CIB4: variants seen among roughly 807,000 people sequenced by gnomAD.
CIB4 encodes the protein calcium and integrin binding family member 4.
In CIB4, 25 loss-of-function variants were observed where a neutral mutation model predicts 25.8. That is an observed-to-expected ratio of 0.97 (90% CI 0.71 to 1.35). The LOEUF is 1.35. CIB4 is among the 40% of genes most tolerant of loss of function. The pLI, the probability that CIB4 is intolerant of heterozygous loss-of-function variation, is 0.00. For synonymous variants in CIB4, 75 were observed against 81.4 expected (o/e 0.92, Z 0.42); for missense variants, 235 against 228.2 (o/e 1.03, Z -0.19).
chr2:26,618,000 T>G lies in CIB4; in HGVS notation c.186+11410A>C, dbSNP rs1195416066. On this transcript the variant is annotated intron_variant, in intron 3 of 6. Coordinates refer to ENST00000288861, the MANE Select transcript of CIB4 (RefSeq NM_001029881.3). Reference sequence around the variant, plus strand: ...ACTGGCCCTGTTACCAAGTGTAGGTTGCATCCCACCTGTGGGCCTCAGTTT... The same window carrying G: ...ACTGGCCCTGTTACCAAGTGTAGGTGGCATCCCACCTGTGGGCCTCAGTTT... Among the ~76,000 whole-genome samples, 5 of 152,278 alleles carry G rather than the reference T, an allele frequency of 3.3e-5. 1 individual carries two copies. The Middle Eastern group carries it at 0.01, about 311-fold the overall frequency.
At chr2:26,613,633 A>T (rs892078190) in intron 3 of CIB4, among the ~76,000 whole-genome samples, 1 of 152,150 alleles carries the variant, frequency 6.6e-6, no homozygotes, top group Non-Finnish European at 1.5e-5. Flanking sequence ...CATTTTTCAG[A>T]TGGGGAAAGC....
chr2:26,595,888 T>C (rs1306253024), intron 3 of CIB4, among the ~76,000 whole-genome samples: 3 of 141,972 alleles, frequency 2.1e-5, no homozygotes, highest in African/African-American at 5.7e-5. Context: ...TCACATGACT[T>C]ATCTGCGCGC....
chr2:26,624,760 G>A (rs1669267486), intron 3 of CIB4, among the ~76,000 whole-genome samples: 1 of 149,446 alleles, frequency 6.7e-6, no homozygotes, highest in South Asian at 2.1e-4. Context: ...GGCAGGCAGG[G>A]ATGGTTAATG....
At chr2:26,630,267 C>T (rs1395030600) in intron 2 of CIB4, among the ~76,000 whole-genome samples, 1 of 152,156 alleles carries the variant, frequency 6.6e-6, no homozygotes, top group African/African-American at 2.4e-5. Flanking sequence ...CTCACCCTAT[C>T]CTGAACCTGG....
chr2:26,623,942 T>C (rs1010517437), intron 3 of CIB4, among the ~76,000 whole-genome samples: 4 of 152,176 alleles, frequency 2.6e-5, no homozygotes, highest in African/African-American at 4.8e-5. Flanking sequence ...AACAGAAACA[T>C]TGAGCTAATA....
chr2:26,625,674 C>A (rs189324642), intron 3 of CIB4, among the ~76,000 whole-genome samples: 4 of 152,204 alleles, frequency 2.6e-5, no homozygotes, highest in African/African-American at 7.2e-5. Context: ...CTCCACCCCC[C>A]CACTGCTTCC....
intron 4 of CIB4, among the ~76,000 whole-genome samples, chr2:26,585,579 C>T (rs1432956974): frequency 2.0e-5 from 3 of 152,074 alleles, no homozygotes; most frequent in Admixed American, 6.5e-5. Flanking sequence ...CAGATGTTTT[C>T]GCTGTGGCCA....
At chr2:26,603,086 G>C (rs895179610) in intron 3 of CIB4, among the ~76,000 whole-genome samples, 1 of 151,986 alleles carries the variant, frequency 6.6e-6, no homozygotes, top group Non-Finnish European at 1.5e-5. Flanking sequence ...TCACTTCTGT[G>C]GTATTTGCAC....
intron 4 of CIB4, among the ~76,000 whole-genome samples, chr2:26,592,118 T>C (rs1220951011): frequency 2.6e-5 from 4 of 152,248 alleles, no homozygotes; most frequent in Non-Finnish European, 4.4e-5. Context: ...GGAAAACTCA[T>C]CTAGTGCTGG....
intron 3 of CIB4, among the ~76,000 whole-genome samples, chr2:26,596,921 T>G (rs1668693184): frequency 6.6e-6 from 1 of 152,208 alleles, no homozygotes; most frequent in South Asian, 2.1e-4. Flanking sequence ...AGACAAGTGT[T>G]CCAAATTTGC....
chr2:26,604,763 G>A (rs544105025), intron 3 of CIB4, among the ~76,000 whole-genome samples: 4 of 152,264 alleles, frequency 2.6e-5, no homozygotes, highest in Admixed American at 1.3e-4. Flanking sequence ...ATAAGTAGGT[G>A]AGTAAACATA....
intron 4 of CIB4, among the ~76,000 whole-genome samples, chr2:26,590,639 A>G (rs1384970992): frequency 6.6e-6 from 1 of 151,962 alleles, no homozygotes; most frequent in Non-Finnish European, 1.5e-5. Context: ...CTTACTACGC[A>G]GGCTCAGGAT....
chr2:26,598,001 A>T (rs1363168085), intron 3 of CIB4, among the ~76,000 whole-genome samples: 2 of 152,080 alleles, frequency 1.3e-5, no homozygotes, highest in Non-Finnish European at 2.9e-5. Context: ...TTCTTACTTT[A>T]ATAAAAAACA....
chr2:26,586,916 G>T (rs1482875987), intron 4 of CIB4, among the ~76,000 whole-genome samples: 1 of 152,138 alleles, frequency 6.6e-6, no homozygotes, highest in African/African-American at 2.4e-5. Flanking sequence ...TGGTCGTCTG[G>T]GATAATGAGG....
At chr2:26,617,116 T>A (rs1229246814) in intron 3 of CIB4, among the ~76,000 whole-genome samples, 3 of 53,510 alleles carry the variant, frequency 5.6e-5, no homozygotes, top group Non-Finnish European at 8.7e-5. Flanking sequence ...AGCAAGAGCA[T>A]GGAATGTGTG....
At chr2:26,611,719 A>C (rs1320361715) in intron 3 of CIB4, among the ~76,000 whole-genome samples, 1 of 152,166 alleles carries the variant, frequency 6.6e-6, no homozygotes, top group Non-Finnish European at 1.5e-5. Context: ...ATAAATAAAT[A>C]AACCCCTGGA....
chr2:26,600,962 G>T (rs892285839), intron 3 of CIB4, among the ~76,000 whole-genome samples: 8 of 151,982 alleles, frequency 5.3e-5, no homozygotes, highest in African/African-American at 1.9e-4. Context: ...GGGAGCGGTG[G>T]CTCACACCAG....
chr2:26,588,204 G>A (rs755003242), intron 4 of CIB4, among the ~76,000 whole-genome samples: 70 of 152,348 alleles, frequency 4.6e-4, no homozygotes, highest in Non-Finnish European at 8.1e-4. Flanking sequence ...GAGACCCTGC[G>A]GTGTCCCCAG....
chr2:26,611,896 T>C (rs1312350540), intron 3 of CIB4, among the ~76,000 whole-genome samples: 1 of 152,180 alleles, frequency 6.6e-6, no homozygotes, highest in African/African-American at 2.4e-5. Flanking sequence ...ATGTCTACGA[T>C]ATTATAAAAT....
Sources: gnomAD v4.1 joint callset for allele counts (sites outside exome capture counted in the v4.1 genomes callset) on GRCh38, gnomAD v4.1.1 for gene constraint, MANE v1.5 for transcripts, NCBI Gene and HGNC (gene_info 2026-07-23, HGNC 2026-07-21) for gene names.